Variants in NKAIN2 observed in about 807,000 individuals in gnomAD.
NKAIN2 encodes sodium/potassium transporting ATPase interacting 2.
A neutral mutation model predicts 32.6 loss-of-function variants in NKAIN2; 14 were observed. The observed-to-expected ratio is 0.43, with a 90% CI of 0.28 to 0.67. NKAIN2 has a LOEUF of 0.67. Among genes scored for constraint, NKAIN2 ranks in the 30% least tolerant of loss-of-function variants. NKAIN2 has a pLI of 0.17. For missense variants in NKAIN2, 198 were observed against 258.3 expected, an observed-to-expected ratio of 0.77 and a Z score of 1.60; for synonymous variants, 80 against 87.2, an observed-to-expected ratio of 0.92 and a Z score of 0.46.
intron 4 of NKAIN2, among the ~76,000 whole-genome samples, chr6:124,718,092 A>T (rs1775841957): frequency 1.3e-5 from 2 of 152,192 alleles, no homozygotes; most frequent in South Asian, 4.1e-4. Flanking sequence ...ATAATTCCAC[A>T]TACTATGAAA....
intron 1 of NKAIN2, among the ~76,000 whole-genome samples, chr6:123,866,312 A>G (rs1436790428): frequency 6.6e-6 from 1 of 152,234 alleles, no homozygotes; most frequent in Non-Finnish European, 1.5e-5. Flanking sequence ...GAGTAATTAC[A>G]TTCATTGTTT....
chr6:124,152,752 A>G (rs968798350), intron 1 of NKAIN2, among the ~76,000 whole-genome samples: 2 of 151,958 alleles, frequency 1.3e-5, no homozygotes, highest in Admixed American at 6.6e-5. Context: ...TAGGGGCTCA[A>G]CCTAAGTATC....
At chr6:124,478,983 G>A (rs555813313) in intron 3 of NKAIN2, among the ~76,000 whole-genome samples, 1 of 152,240 alleles carries the variant, frequency 6.6e-6, no homozygotes, top group Non-Finnish European at 1.5e-5. Flanking sequence ...GATAAGAATA[G>A]CACTTTACCT....
chr6:123,911,789 A>ATATG (rs1554222346), intron 1 of NKAIN2, among the ~76,000 whole-genome samples: 2 of 112,170 alleles, frequency 1.8e-5, no homozygotes, highest in African/African-American at 8.2e-5. Flanking sequence ...ATACATATAT[A>ATATG]TATATATATA....
intron 1 of NKAIN2, among the ~76,000 whole-genome samples, chr6:124,158,176 T>C (rs1309879190): frequency 6.6e-6 from 1 of 152,202 alleles, no homozygotes; most frequent in African/African-American, 2.4e-5. Context: ...CTGAGGCCTC[T>C]CTGCTTGGCT....
intron 1 of NKAIN2, among the ~76,000 whole-genome samples, chr6:124,066,995 A>G (rs2114870112): frequency 6.6e-6 from 1 of 152,230 alleles, no homozygotes; most frequent in South Asian, 2.1e-4. Context: ...AGGCCAGAAG[A>G]GAATATCCTC....
rs1776198192 is a variant in NKAIN2, at chr6:124,724,914, G to A, written c.475-66425G>A. Among the ~76,000 whole-genome samples, 3 of 152,086 alleles carry A rather than the reference G, an allele frequency of 2.0e-5. 1 individual carries two copies. In the South Asian group the frequency reaches 6.2e-4, roughly 32 times the overall value. ...GGATAATTTACCCTAAATTCTTCTA[G>A]TTCCAAGTTGAGTTGATCCCTTTTA... On this transcript the variant is annotated intron_variant, in intron 4 of 6. Coordinates refer to ENST00000368417, the MANE Select transcript of NKAIN2 (RefSeq NM_001040214.3).
intron 3 of NKAIN2, among the ~76,000 whole-genome samples, chr6:124,498,163 T>C (rs1185733906): frequency 6.6e-6 from 1 of 152,136 alleles, no homozygotes; most frequent in Non-Finnish European, 1.5e-5. Flanking sequence ...AAGAGTTACT[T>C]ATTCATTCCT....
intron 1 of NKAIN2, among the ~76,000 whole-genome samples, chr6:124,115,471 A>G (rs1321652681): frequency 6.6e-6 from 1 of 152,154 alleles, no homozygotes; most frequent in Non-Finnish European, 1.5e-5. Context: ...GTTATCAGAC[A>G]GACAATTTCA....
At chr6:124,309,802 T>C in intron 2 of NKAIN2, among the ~76,000 whole-genome samples, 1 of 152,144 alleles carries the variant, frequency 6.6e-6, no homozygotes, top group Admixed American at 6.6e-5. Flanking sequence ...CTAGTCATCC[T>C]AGTTTTATTG....
intron 1 of NKAIN2, among the ~76,000 whole-genome samples, chr6:124,174,203 T>C (rs979451717): frequency 6.6e-6 from 1 of 152,070 alleles, no homozygotes. Flanking sequence ...TTAAGAGAAC[T>C]CCCACCAAAC....
intron 3 of NKAIN2, among the ~76,000 whole-genome samples, chr6:124,419,358 A>G (rs566579390): frequency 6.6e-6 from 1 of 152,270 alleles, no homozygotes; most frequent in South Asian, 2.1e-4. Context: ...AAACATGTCT[A>G]ACACCAGATC....
chr6:124,270,026 A>G (rs1368817051), intron 1 of NKAIN2, among the ~76,000 whole-genome samples: 3 of 152,192 alleles, frequency 2.0e-5, no homozygotes, highest in Non-Finnish European at 4.4e-5. Context: ...ACCTCTGCTG[A>G]TGCTTTCACT....
chr6:124,421,013 G>T (rs978912467), intron 3 of NKAIN2, among the ~76,000 whole-genome samples: 6 of 146,778 alleles, frequency 4.1e-5, no homozygotes, highest in African/African-American at 1.0e-4. Flanking sequence ...TAGAAGTTTA[G>T]CCACGAAGTA....
chr6:123,811,738 T>C (rs1773482323), intron 1 of NKAIN2, among the ~76,000 whole-genome samples: 1 of 151,748 alleles, frequency 6.6e-6, no homozygotes, highest in Non-Finnish European at 1.5e-5. Context: ...AGCCCAGGAG[T>C]AGTTAAAGGG....
rs150821238 is a variant in NKAIN2 at position 124,476,198 on chromosome 6, G to A, written c.273+120851G>A. On this transcript the variant is annotated intron_variant, in intron 3 of 6. Coordinates refer to ENST00000368417, the MANE Select transcript of NKAIN2 (RefSeq NM_001040214.3). ...TCCTAATTGGCAAAATATGGAAATC[G>A]TTTTGGCCAAGAAATAAACTGTCTT... Among the ~76,000 whole-genome samples, 1,101 of 151,804 alleles carry A rather than the reference G, an allele frequency of 7.3e-3. 18 individuals are homozygous for A. Among genetic ancestry groups the A allele is most frequent in the African/African-American group, 0.026 (1,058 of 41,418 alleles).
intron 3 of NKAIN2, among the ~76,000 whole-genome samples, chr6:124,487,126 T>C (rs1386893655): frequency 6.6e-6 from 1 of 152,158 alleles, no homozygotes; most frequent in Admixed American, 6.6e-5. Context: ...TCCATTTTCA[T>C]TAATAATCAG....
intron 4 of NKAIN2, among the ~76,000 whole-genome samples, chr6:124,705,758 G>C (rs917576985): frequency 3.3e-5 from 5 of 152,122 alleles, no homozygotes; most frequent in Middle Eastern, 6.8e-3. Flanking sequence ...CCTGAATTTT[G>C]AGCACCTAAT....
chr6:124,294,736 T>G (rs1336461507), intron 2 of NKAIN2, among the ~76,000 whole-genome samples: 1 of 152,126 alleles, frequency 6.6e-6, no homozygotes, highest in East Asian at 1.9e-4. Context: ...ATTTTCCTGG[T>G]CATCTCTGTG....
Sources: gnomAD v4.1 joint callset for allele counts (sites outside exome capture counted in the v4.1 genomes callset) on GRCh38, gnomAD v4.1.1 for gene constraint, MANE v1.5 for transcripts, NCBI Gene and HGNC (gene_info 2026-07-23, HGNC 2026-07-21) for gene names.